The following PTH2R variants were observed in gnomAD, a reference collection of about 807,000 sequenced individuals.
PTH2R encodes parathyroid hormone 2 receptor.
In PTH2R, 59 loss-of-function variants were observed where a neutral mutation model predicts 60.3. The ratio of observed to expected loss-of-function variants is 0.98; its 90% CI spans 0.79 to 1.22. The LOEUF (loss-of-function observed/expected upper bound fraction) is 1.22. PTH2R is among the 50% of genes most tolerant of loss of function. The pLI, the probability that PTH2R is intolerant of heterozygous loss-of-function variation, is 0.00. For missense variants in PTH2R, 749 were observed against 682.6 expected (o/e 1.10, Z -1.08); for synonymous variants, 256 against 243.8 (o/e 1.05, Z -0.47).
chr2:208,439,360 C>G (rs139722923), intron 4 of PTH2R, among the ~76,000 whole-genome samples: 275 of 152,052 alleles, frequency 1.8e-3, no homozygotes, highest in African/African-American at 6.0e-3. Flanking sequence ...AAAATGTTTT[C>G]TATTGTTTGC....
At chr2:208,468,083 T>C (rs1702795393) in intron 9 of PTH2R, among the ~76,000 whole-genome samples, 1 of 152,186 alleles carries the variant, frequency 6.6e-6, no homozygotes, top group African/African-American at 2.4e-5. Flanking sequence ...CTCTCCTATA[T>C]ATTTTCCTCC....
chr2:208,384,245 A>G (rs937373509), intron 1 of PTH2R, among the ~76,000 whole-genome samples: 16 of 152,194 alleles, frequency 1.1e-4, no homozygotes, highest in Admixed American at 2.6e-4. Flanking sequence ...ATTGGTAGAA[A>G]GAGACGGGGA....
intron 4 of PTH2R, among the ~76,000 whole-genome samples, chr2:208,439,257 A>G (rs1042454447): frequency 3.9e-5 from 6 of 152,140 alleles, no homozygotes; most frequent in Non-Finnish European, 8.8e-5. Flanking sequence ...TGTACTCAAT[A>G]TATATACTAG....
At chr2:208,362,701 G>T (rs895329269) in intron 1 of PTH2R, among the ~76,000 whole-genome samples, 1 of 152,192 alleles carries the variant, frequency 6.6e-6, no homozygotes, top group African/African-American at 2.4e-5. Flanking sequence ...GAAGTGGATT[G>T]CTGGATGATT....
At chr2:208,359,756 C>A (rs893299342) in exon 1 of PTH2R, 1 of 153,586 alleles carries the variant, frequency 6.5e-6, no homozygotes, top group African/African-American at 2.4e-5. Context: ...GGGGAGGCTT[C>A]CCTCCCACAG....
chr2:208,395,539 G>A (rs1701193111), intron 1 of PTH2R, among the ~76,000 whole-genome samples: 1 of 152,160 alleles, frequency 6.6e-6, no homozygotes, highest in Non-Finnish European at 1.5e-5. Context: ...AGATTGCAAC[G>A]ACATTTTCCT....
At chr2:208,396,660 A>G (rs10185910) in intron 1 of PTH2R, among the ~76,000 whole-genome samples, 7,228 of 152,228 alleles carry the variant, frequency 0.047, 252 homozygotes, top group African/African-American at 0.1. Context: ...GAAACAACAG[A>G]TGCTGGAGAG....
intron 4 of PTH2R, among the ~76,000 whole-genome samples, chr2:208,440,685 A>G (rs1702164487): frequency 6.6e-6 from 1 of 152,218 alleles, no homozygotes; most frequent in Admixed American, 6.5e-5. Flanking sequence ...TGAAGGGGAC[A>G]AAGAGAAAAG....
chr2:208,424,548 A>G (rs774315127), intron 1 of PTH2R, among the ~76,000 whole-genome samples: 1 of 152,120 alleles, frequency 6.6e-6, no homozygotes, highest in Non-Finnish European at 1.5e-5. Flanking sequence ...CAACTTCCAC[A>G]TTTCTCTGAA....
chr2:208,478,724 C>G (rs1215705473), intron 9 of PTH2R, among the ~76,000 whole-genome samples: 1 of 152,176 alleles, frequency 6.6e-6, no homozygotes, highest in Non-Finnish European at 1.5e-5. Flanking sequence ...TAACTCAACT[C>G]TATTTTATGG....
intron 1 of PTH2R, among the ~76,000 whole-genome samples, chr2:208,391,204 G>C (rs1158695414): frequency 2.0e-5 from 3 of 152,196 alleles, no homozygotes; most frequent in Non-Finnish European, 4.4e-5. Context: ...AGCCAGAGAA[G>C]TTACATGCTT....
chr2:208,432,211 A>G (rs1332672840), intron 2 of PTH2R, among the ~76,000 whole-genome samples: 4 of 152,254 alleles, frequency 2.6e-5, no homozygotes, highest in Non-Finnish European at 4.4e-5. Context: ...CAACATTATC[A>G]TCGTCAGTGT....
At chr2:208,488,240 C>T (rs1472632288) in intron 10 of PTH2R, among the ~76,000 whole-genome samples, 2 of 152,074 alleles carry the variant, frequency 1.3e-5, no homozygotes, top group African/African-American at 4.8e-5. Flanking sequence ...AGAGAATATT[C>T]AGAGAAGTCA....
chr2:208,490,558 A>G (rs1023429878), intron 11 of PTH2R, 81 bp from the exon 12 acceptor site: 93 of 1,363,096 alleles, frequency 6.8e-5, no homozygotes, highest in Non-Finnish European at 8.7e-5. Context: ...CAATTTTTGG[A>G]CGTACACATT....
chr2:208,467,722 A>G (rs1444359247), intron 9 of PTH2R, among the ~76,000 whole-genome samples: 2 of 151,382 alleles, frequency 1.3e-5, no homozygotes, highest in Admixed American at 1.3e-4. Context: ...CTTCTATCCT[A>G]CAAAAACTGA....
intron 4 of PTH2R, among the ~76,000 whole-genome samples, chr2:208,440,458 CAA>C (rs1303942502): frequency 5.3e-5 from 8 of 151,832 alleles, no homozygotes; most frequent in Admixed American, 2.0e-4. Context: ...TTAAAAGAAA[CAA>C]GAGGCAAAGT....
chr2:208,360,225 G>T (rs1160051442), exon 1 of PTH2R: 3 of 453,804 alleles, frequency 6.6e-6, no homozygotes, highest in Middle Eastern at 3.3e-4. Context: ...AAAGGCACAG[G>T]TTCCTTGAAC....
At chr2:208,363,968 C>A (rs1274919951) in intron 1 of PTH2R, among the ~76,000 whole-genome samples, 1 of 152,080 alleles carries the variant, frequency 6.6e-6, no homozygotes, top group African/African-American at 2.4e-5. Flanking sequence ...AGGTTGTTTA[C>A]TCTGTTGATA....
intron 10 of PTH2R, among the ~76,000 whole-genome samples, chr2:208,487,778 G>A (rs1041237735): frequency 6.6e-6 from 1 of 152,188 alleles, no homozygotes; most frequent in African/African-American, 2.4e-5. Flanking sequence ...TTGTTGGTAG[G>A]ATTCAGTTAC....
Sources: gnomAD v4.1 joint callset for allele counts (sites outside exome capture counted in the v4.1 genomes callset) on GRCh38, gnomAD v4.1.1 for gene constraint, MANE v1.5 for transcripts, NCBI Gene and HGNC (gene_info 2026-07-23, HGNC 2026-07-21) for gene names.